Variants in PCDHGA1 observed in about 807,000 individuals in gnomAD.
PCDHGA1 encodes the protein protocadherin gamma subfamily A, 1.
PCDHGA1 carries 32 observed loss-of-function variants against 58.0 expected under a neutral mutation model. The ratio of observed to expected loss-of-function variants is 0.55; its 90% CI spans 0.42 to 0.74. The LOEUF (loss-of-function observed/expected upper bound fraction) is 0.74. Among genes scored for constraint, PCDHGA1 ranks in the 30% least tolerant of loss-of-function variants. PCDHGA1 has a pLI of 0.00. For missense variants in PCDHGA1, 1,205 were observed against 1,182.3 expected (o/e 1.02, Z -0.28); for synonymous variants, 498 against 501.1 (o/e 0.99, Z 0.08).
chr5:141,399,546 G>A, intron 1 of PCDHGA1: 1 of 1,614,032 alleles, frequency 6.2e-7, no homozygotes, highest in Non-Finnish European at 8.5e-7. Context: ...TCTGCGCCTC[G>A]GACCTGGACT....
At chr5:141,404,762 C>T (rs1466259455) in intron 1 of PCDHGA1, 1 of 1,613,828 alleles carries the variant, frequency 6.2e-7, no homozygotes, top group East Asian at 2.2e-5. Flanking sequence ...GAATGCTTGG[C>T]TCTCCTACCG....
Position 141,491,205 on chromosome 5 carries a change from A to G in PCDHGA1, c.2422-3602A>G, listed in dbSNP as rs2233609. 2,395 of 1,613,578 alleles carry G rather than the reference A, an allele frequency of 1.5e-3. 36 individuals are homozygous for G. The African/African-American group carries it at 0.028, about 19-fold the overall frequency. On this transcript the variant is annotated intron_variant, in intron 1 of 3. Coordinates refer to ENST00000517417, the MANE Select transcript of PCDHGA1 (RefSeq NM_018912.3). This position sits in a 1 kb window ranked among gnomAD's most constrained non-coding sequence, Gnocchi z 6.9. The stretch of plus-strand genomic sequence containing the variant: ...TGGTGAGGGACAATGGTGACCCTTC[A>G]CTCTCCTCCACAGCCACAGTGCTGC...
At chr5:141,488,359 T>A (rs1262194591) in intron 1 of PCDHGA1, among the ~76,000 whole-genome samples, 1 of 152,198 alleles carries the variant, frequency 6.6e-6, no homozygotes, top group Non-Finnish European at 1.5e-5. Context: ...ACCCTGTGCA[T>A]CTTTAAGTTG....
rs749514405 is a variant in PCDHGA1, at chr5:141,361,238, T to A, written c.2421+28133T>A. The A allele has an allele frequency of 1.9e-6, 3 of 1,613,980 alleles. No individual in the cohort carries two copies. The Admixed American group carries it at 5.0e-5, about 27-fold the overall frequency. ...TCGCCACCAGGAACAGTGATCGCCT[T>A]GATAAAAACGAGAGACAGAGACTCT... is the stretch of plus-strand genomic sequence containing the variant. On this transcript the variant is annotated intron_variant, in intron 1 of 3. Coordinates refer to ENST00000517417, the MANE Select transcript of PCDHGA1 (RefSeq NM_018912.3).
At chr5:141,460,231 G>A (rs911633731) in intron 1 of PCDHGA1, among the ~76,000 whole-genome samples, 3 of 152,028 alleles carry the variant, frequency 2.0e-5, no homozygotes, top group Non-Finnish European at 4.4e-5. Context: ...CTTTTGAAGA[G>A]CAGAAGATGT....
At position 141,408,036 on chromosome 5, in the gene PCDHGA1, A is replaced by G. The variant is rs941133513; in HGVS notation, c.2421+74931A>G. On this transcript the variant is annotated intron_variant, in intron 1 of 3. Coordinates refer to ENST00000517417, the MANE Select transcript of PCDHGA1 (RefSeq NM_018912.3). ...AGCCAACAACAGAAAGAAGAAAACC[A>G]GCTCCCACACAGAGCCTCCCGGCTG... 7.9e-6 allele frequency: 9 copies of G among 1,132,718 alleles called. No individual in the cohort carries two copies. In the African/African-American group the frequency reaches 1.4e-4, roughly 18 times the overall value. The allele number at this position is 1,132,718 out of a possible 1,614,324, so 70.2% of individuals were successfully genotyped here. A position where few individuals can be genotyped will look rare whatever the true frequency, so the allele number is the denominator to read the frequency against.
intron 1 of PCDHGA1, chr5:141,350,337 C>T (rs776161210): frequency 6.5e-7 from 1 of 1,540,822 alleles, no homozygotes; most frequent in South Asian, 1.3e-5. Flanking sequence ...TTCTGCGGGG[C>T]CATCTCCCAG....
intron 1 of PCDHGA1, chr5:141,400,053 G>C: frequency 6.2e-7 from 1 of 1,613,736 alleles, no homozygotes; most frequent in Non-Finnish European, 8.5e-7. Flanking sequence ...TGGTTGCTGT[G>C]CGTGATGGTG....
intron 1 of PCDHGA1, chr5:141,408,296 C>T (rs2154539952): frequency 1.2e-6 from 2 of 1,613,550 alleles, no homozygotes; most frequent in Non-Finnish European, 1.7e-6. Flanking sequence ...CCTGAGTGAG[C>T]CGATCCGCTA....
At chr5:141,426,048 A>G (rs2096911760) in intron 1 of PCDHGA1, among the ~76,000 whole-genome samples, 1 of 152,182 alleles carries the variant, frequency 6.6e-6, no homozygotes, top group Non-Finnish European at 1.5e-5. Context: ...CTGTTGGCCA[A>G]TGTGCTGCAA....
intron 1 of PCDHGA1, chr5:141,422,201 G>T (rs764621323): frequency 1.9e-6 from 3 of 1,562,386 alleles, no homozygotes; most frequent in Admixed American, 2.0e-5. Flanking sequence ...GGCCAAGATG[G>T]TGGAGGTCTC....
intron 2 of PCDHGA1, among the ~76,000 whole-genome samples, 177 bp from the exon 3 acceptor site, chr5:141,505,216 T>C (rs547855353): frequency 1.1e-4 from 17 of 152,234 alleles, no homozygotes; most frequent in Non-Finnish European, 2.9e-5. Context: ...AGGGACTGAC[T>C]TGTGGGATTC....
At chr5:141,441,742 T>C in intron 1 of PCDHGA1, 1 of 367,312 alleles carries the variant, frequency 2.7e-6, no homozygotes, top group Non-Finnish European at 5.4e-6. Context: ...TAGCTCGCGC[T>C]CGGCGTCAAC....
rs951964805 is a variant in PCDHGA1, at chr5:141,512,109, C to A, written c.*936C>A. The A allele has an allele frequency of 1.0e-4, 16 of 152,656 alleles. No individual in the cohort carries two copies. The highest frequency in any genetic ancestry group is 1.5e-5 in the Non-Finnish European group (1 of 68,058). 9.5% of individuals were successfully genotyped at this position (152,656 alleles called of 1,614,324 possible). Reference sequence around the variant, plus strand: ...ACCAATAACTAGGCTGGACCCTTCCCACTACATAATAGGGCTCAGCCCAGG... The same window carrying A: ...ACCAATAACTAGGCTGGACCCTTCCAACTACATAATAGGGCTCAGCCCAGG... On this transcript the variant is annotated 3_prime_UTR_variant, in exon 4 of 4. Coordinates refer to ENST00000517417, the MANE Select transcript of PCDHGA1 (RefSeq NM_018912.3).
intron 1 of PCDHGA1, chr5:141,409,987 C>T: frequency 3.1e-6 from 5 of 1,613,288 alleles, no homozygotes; most frequent in Non-Finnish European, 4.2e-6. Context: ...TAGCGGTGGA[C>T]GCCGACTCGG....
Position 141,419,064 on chromosome 5 carries a change from A to G in PCDHGA1, c.2422-75743A>G, listed in dbSNP as rs149057484. ...ATTCATTCTTCTTCTAATAATTACT[A>G]CAAGCTAGTAACAGATGAGGCCCTG... On this transcript the variant is annotated intron_variant, in intron 1 of 3. Transcript: ENST00000517417. 51 of 1,613,962 alleles carry G rather than the reference A, an allele frequency of 3.2e-5. No homozygotes were observed. In the African/African-American group the frequency reaches 5.9e-4, roughly 19 times the overall value.
rs369354938 is a variant in PCDHGA1, at chr5:141,404,125, T to C, written c.2421+71020T>C. 7.5e-4 allele frequency: 1,204 copies of C among 1,613,214 alleles called. 1 individual carries two copies. The highest frequency in any genetic ancestry group is 8.4e-4 in the Non-Finnish European group (986 of 1,179,494). On this transcript the variant is annotated intron_variant, in intron 1 of 3. Coordinates refer to ENST00000517417, the MANE Select transcript of PCDHGA1 (RefSeq NM_018912.3). Reference sequence around the variant, plus strand: ...TCTGTTCTATCCAGGAGAATCTATCTTTTACATTAGAAAATTCAGAAGAAG... The same window carrying C: ...TCTGTTCTATCCAGGAGAATCTATCCTTTACATTAGAAAATTCAGAAGAAG...
Position 141,351,668 on chromosome 5 carries a change from G to A in PCDHGA1, c.2421+18563G>A, listed in dbSNP as rs779945717. The stretch of plus-strand genomic sequence containing the variant: ...CCCACCTGGCGCCTCCATTGCACAA[G>A]TAAGCGCCTCCGACCCGGATTTGGG... On this transcript the variant is annotated intron_variant, in intron 1 of 3. Coordinates refer to ENST00000517417, the MANE Select transcript of PCDHGA1 (RefSeq NM_018912.3). 9 of 1,614,026 alleles carry A rather than the reference G, an allele frequency of 5.6e-6. No individual in the cohort carries two copies. In the Admixed American group the frequency reaches 6.7e-5, roughly 12 times the overall value.
chr5:141,332,805 C>T lies in PCDHGA1; in HGVS notation c.2121C>T (p.Phe707=). The T allele has an allele frequency of 8.7e-6, 14 of 1,614,222 alleles. No homozygotes were observed. The highest frequency in any genetic ancestry group is 1.2e-5 in the Non-Finnish European group (14 of 1,180,038). ...AAAVSCVFLA[F]VIVLLAHRLR... ...CGGTCTCCTGCGTCTTCCTGGCCTT[C>T]GTCATCGTGCTGCTGGCGCACAGGC... The change falls in exon 1 of 4, where the codon TTC becomes TTT. Residue 707 remains phenylalanine, a synonymous_variant. Transcript: ENST00000517417. The surrounding 1 kb of genome is among the most constrained non-coding windows in gnomAD (Gnocchi z 4.6).
Sources: allele counts gnomAD v4.1 joint callset (sites outside exome capture counted in the v4.1 genomes callset), GRCh38; gene constraint gnomAD v4.1.1; non-coding constraint Gnocchi (gnomAD v3.1); transcripts MANE v1.5; gene names NCBI Gene and HGNC (gene_info 2026-07-23, HGNC 2026-07-21).